ASB14: variants seen among roughly 807,000 people sequenced by gnomAD.
ASB14 encodes ankyrin repeat and SOCS box containing 14.
A neutral mutation model predicts 55.6 loss-of-function variants in ASB14; 63 were observed. The observed-to-expected ratio is 1.13, with a 90% CI of 0.92 to 1.40. The LOEUF (loss-of-function observed/expected upper bound fraction) is 1.40. Ranked by LOEUF, ASB14 falls within the 40% of genes most tolerant of loss-of-function variation. ASB14 has a pLI of 0.00. For synonymous variants in ASB14, 256 were observed against 259.9 expected (o/e 0.98, Z 0.15); for missense variants, 724 against 710.4 (o/e 1.02, Z -0.22).
intron 8 of ASB14, 79 bp from the exon 9 acceptor site, chr3:57,277,999 GA>G: frequency 7.8e-7 from 1 of 1,281,604 alleles, no homozygotes; most frequent in Non-Finnish European, 1.1e-6. Flanking sequence ...AGTCAAAGGA[GA>G]TGTGGTGTGA....
intron 10 of ASB14, among the ~76,000 whole-genome samples, chr3:57,275,897 T>C (rs1457430328): frequency 1.3e-5 from 2 of 152,220 alleles, no homozygotes; most frequent in African/African-American, 4.8e-5. Flanking sequence ...ATAATCTTTA[T>C]GGGACCACCA....
chr3:57,288,050 G>A lies in ASB14; in HGVS notation c.320C>T (p.Pro107Leu). 6.5e-7 allele frequency: 1 copy of A among 1,537,252 alleles called. No homozygotes were observed. Among genetic ancestry groups the A allele is most frequent in the South Asian group, 1.2e-5 (1 of 84,050 alleles). The change falls in exon 5 of 11, where the codon CCC (proline) becomes CTC (leucine). Residue 107 changes from proline (P) to leucine (L), a missense_variant. Physicochemically the swap from Pro to Leu is moderately conservative, Grantham distance 98 (BLOSUM62 -3). Transcript: ENST00000487349. ...ILEITLSASD[P>L]SLWEQTTHNG... ...GTGAGTGGTTTGCTCCCACAGACTG[G>A]GGTCTGAAGCTGAAATAAATTCATC...
At chr3:57,292,282 T>G (rs374078587) in intron 1 of ASB14, among the ~76,000 whole-genome samples, 178 bp from the exon 2 acceptor site, 2 of 152,210 alleles carry the variant, frequency 1.3e-5, no homozygotes, top group Non-Finnish European at 2.9e-5. Context: ...AGCCATTGAC[T>G]TAAAGCTTAT....
At chr3:57,292,408 AAAT>A (rs148562915) in intron 1 of ASB14, among the ~76,000 whole-genome samples, 1,683 of 152,322 alleles carry the variant, frequency 0.011, 12 homozygotes, top group Middle Eastern at 0.02. Flanking sequence ...CACTCATCCA[AAAT>A]AATATCTTTC....
intron 2 of ASB14, among the ~76,000 whole-genome samples, chr3:57,289,957 C>CT (rs2061115879): frequency 6.6e-6 from 1 of 152,122 alleles, no homozygotes; most frequent in Non-Finnish European, 1.5e-5. Context: ...ACCTTCCACT[C>CT]TAATTATTTA....
At chr3:57,291,210 T>C (rs932405891) in intron 2 of ASB14, among the ~76,000 whole-genome samples, 1 of 151,994 alleles carries the variant, frequency 6.6e-6, no homozygotes, top group African/African-American at 2.4e-5. Context: ...AGTTATGAAA[T>C]CTCTTGGGGT....
At chr3:57,279,918 G>C (rs951987577) in intron 7 of ASB14, among the ~76,000 whole-genome samples, 9 of 151,886 alleles carry the variant, frequency 5.9e-5, no homozygotes, top group African/African-American at 1.7e-4. Flanking sequence ...GCGGGGGTTG[G>C]GGGGGAACCG....
chr3:57,269,315 G>C lies in ASB14; in HGVS notation c.*326C>G. ...TGGTTGTTGGTCATAAAAAAAGAAA[G>C]ATAAAATATTAGATTTTAGTTTGAA... On this transcript the variant is annotated 3_prime_UTR_variant, in exon 11 of 11. Coordinates refer to ENST00000487349, the MANE Select transcript of ASB14 (RefSeq NM_001142733.3). The C allele has an allele frequency of 2.2e-6, 1 of 448,396 alleles. No individual in the cohort carries two copies. The highest frequency in any genetic ancestry group is 3.9e-6 in the Non-Finnish European group (1 of 254,026). The allele number at this position is 448,396 out of a possible 1,614,324, so 27.8% of individuals were successfully genotyped here. A position where few individuals can be genotyped will look rare whatever the true frequency, so the allele number is the denominator to read the frequency against.
intron 5 of ASB14, among the ~76,000 whole-genome samples, chr3:57,284,772 C>T (rs572422264): frequency 4.6e-5 from 7 of 152,178 alleles, no homozygotes; most frequent in Non-Finnish European, 1.0e-4. Context: ...TTTCACTATA[C>T]AGTGCTAGGG....
chr3:57,271,840 A>G (rs1156759749), intron 10 of ASB14: 1 of 152,242 alleles, frequency 6.6e-6, no homozygotes, highest in African/African-American at 2.4e-5. Flanking sequence ...TTCCAATGCT[A>G]AATAGAAGTT....
chr3:57,285,367 T>G (rs190791348), intron 5 of ASB14, among the ~76,000 whole-genome samples: 4 of 152,310 alleles, frequency 2.6e-5, no homozygotes, highest in African/African-American at 9.6e-5. Context: ...TAGCTGATTC[T>G]TTGCTCTTCA....
At chr3:57,272,114 G>A (rs2060945706) in intron 10 of ASB14, 1 of 152,144 alleles carries the variant, frequency 6.6e-6, no homozygotes, top group Admixed American at 6.6e-5. Flanking sequence ...ACTTAATGGT[G>A]TTAGAAATCA....
At chr3:57,290,224 G>GCT (rs2061118080) in intron 2 of ASB14, among the ~76,000 whole-genome samples, 1 of 152,144 alleles carries the variant, frequency 6.6e-6, no homozygotes, top group African/African-American at 2.4e-5. Flanking sequence ...TGTCAGCAGG[G>GCT]CTCTGTTCCT....
At chr3:57,280,541 A>G in intron 6 of ASB14, 68 bp from the exon 7 acceptor site, 8 of 1,403,180 alleles carry the variant, frequency 5.7e-6, no homozygotes, top group Non-Finnish European at 7.8e-6. Context: ...CAATCTTAAA[A>G]ATATATCCCC....
chr3:57,289,815 T>A (rs1042710311), intron 2 of ASB14, among the ~76,000 whole-genome samples: 1 of 150,592 alleles, frequency 6.6e-6, no homozygotes, highest in Non-Finnish European at 1.5e-5. Flanking sequence ...GGCCGGCTAA[T>A]TTTTTGTATT....
intron 2 of ASB14, among the ~76,000 whole-genome samples, chr3:57,290,822 CAG>C (rs1373933064): frequency 2.6e-5 from 4 of 152,208 alleles, no homozygotes; most frequent in Non-Finnish European, 5.9e-5. Flanking sequence ...GTTAATATAA[CAG>C]ATAATCTAAT....
At chr3:57,280,253 G>A in intron 7 of ASB14, 49 bp downstream of exon 7, 2 of 1,215,622 alleles carry the variant, frequency 1.6e-6, no homozygotes, top group South Asian at 1.8e-5. Flanking sequence ...CAAAATAAAA[G>A]GTAGCTATTA....
chr3:57,285,337 C>T (rs2061073032), intron 5 of ASB14, among the ~76,000 whole-genome samples: 1 of 152,100 alleles, frequency 6.6e-6, no homozygotes, highest in Admixed American at 6.5e-5. Flanking sequence ...CAATCTTTTT[C>T]CTTCTCCAGA....
intron 5 of ASB14, 83 bp downstream of exon 5, chr3:57,287,818 G>A: frequency 7.3e-7 from 1 of 1,367,252 alleles, no homozygotes; most frequent in Non-Finnish European, 9.9e-7. Context: ...CTGCAACTAT[G>A]CATAAAAAGC....
Sources: allele counts gnomAD v4.1 joint callset (sites outside exome capture counted in the v4.1 genomes callset), GRCh38; gene constraint gnomAD v4.1.1; transcripts MANE v1.5; gene names NCBI Gene and HGNC (gene_info 2026-07-23, HGNC 2026-07-21).